ADGRL3: variants seen among roughly 807,000 people sequenced by gnomAD.
ADGRL3 encodes calcium-independent alpha-latrotoxin receptor 3.
Under a neutral mutation model 153.5 loss-of-function variants are expected in ADGRL3, and 62 were observed. That is an observed-to-expected ratio of 0.40 (90% CI 0.33 to 0.50). The LOEUF (loss-of-function observed/expected upper bound fraction) is 0.50. Among genes scored for constraint, ADGRL3 ranks in the 20% least tolerant of loss-of-function variants. The pLI, the probability that ADGRL3 is intolerant of heterozygous loss-of-function variation, is 0.47. For synonymous variants in ADGRL3, 710 were observed against 672.5 expected (o/e 1.06, Z -0.86); for missense variants, 1,641 against 1,859.4 (o/e 0.88, Z 2.16).
chr4:61,954,506 A>G (rs1457549000), intron 17 of ADGRL3, among the ~76,000 whole-genome samples: 1 of 152,130 alleles, frequency 6.6e-6, no homozygotes, highest in Admixed American at 6.6e-5. Flanking sequence ...TTTAAAATGC[A>G]AATCAGGCAC....
intron 9 of ADGRL3, among the ~76,000 whole-genome samples, chr4:61,836,437 AT>A (rs898022158): frequency 6.6e-6 from 1 of 151,932 alleles, no homozygotes; most frequent in Admixed American, 6.6e-5. Context: ...TCCACTGGAT[AT>A]TTTTTTTCTG....
chr4:61,201,247 G>C lies in ADGRL3; in HGVS notation c.-758G>C, dbSNP rs186474574. The C allele has an allele frequency of 3.6e-3, 548 of 153,702 alleles. 1 individual carries two copies. Among genetic ancestry groups the C allele is most frequent in the Middle Eastern group, 6.1e-3 (2 of 326 alleles). 9.5% of individuals were successfully genotyped at this position (153,702 alleles called of 1,614,324 possible). A position where few individuals can be genotyped will look rare whatever the true frequency, so the allele number is the denominator to read the frequency against. On this transcript the variant is annotated 5_prime_UTR_variant, in exon 1 of 27. Transcript: ENST00000683033. ...ATGGTGGAAGATTTTTGGTCTCTTC[G>C]GCAGCGTCTTTTCTTAAGCGGCGGC... is the stretch of plus-strand genomic sequence containing the variant.
intron 1 of ADGRL3, among the ~76,000 whole-genome samples, chr4:61,249,282 A>C (rs141176303): frequency 8.5e-5 from 13 of 152,198 alleles, no homozygotes; most frequent in Non-Finnish European, 1.6e-4. Context: ...AACTGTGTCC[A>C]ACAGTGTTTA....
chr4:61,536,473 C>T (rs142808704), intron 4 of ADGRL3, among the ~76,000 whole-genome samples: 95 of 152,068 alleles, frequency 6.2e-4, no homozygotes, highest in African/African-American at 2.0e-3. Context: ...GCTCTCAGTG[C>T]GGTGTTGAAG....
chr4:61,680,405 CGT>C (rs3075156), intron 6 of ADGRL3, among the ~76,000 whole-genome samples: 29,692 of 143,420 alleles, frequency 0.21, 3,539 homozygotes, highest in African/African-American at 0.31. Context: ...TATACATACT[CGT>C]GTGTGTGTGT....
intron 1 of ADGRL3, among the ~76,000 whole-genome samples, chr4:61,316,397 A>C (rs1476645659): frequency 6.6e-6 from 1 of 152,210 alleles, no homozygotes; most frequent in Non-Finnish European, 1.5e-5. Flanking sequence ...CTAAGACGTC[A>C]GAGCAAGAAA....
At chr4:61,310,953 C>A (rs1002583548) in intron 1 of ADGRL3, among the ~76,000 whole-genome samples, 6 of 151,492 alleles carry the variant, frequency 4.0e-5, no homozygotes, top group African/African-American at 1.5e-4. Flanking sequence ...TAGTTAATAT[C>A]TTAGGTGCCT....
chr4:61,736,519 G>T (rs982603545), intron 8 of ADGRL3, among the ~76,000 whole-genome samples: 1 of 152,112 alleles, frequency 6.6e-6, no homozygotes, highest in African/African-American at 2.4e-5. Flanking sequence ...TTAGTCTGGT[G>T]TGGTGGTGGG....
At chr4:61,582,061 A>G (rs911619090) in intron 4 of ADGRL3, among the ~76,000 whole-genome samples, 1 of 152,130 alleles carries the variant, frequency 6.6e-6, no homozygotes, top group Non-Finnish European at 1.5e-5. Flanking sequence ...GAAAATAAAT[A>G]TAAATATAAG....
intron 6 of ADGRL3, among the ~76,000 whole-genome samples, chr4:61,712,801 C>A (rs539384269): frequency 1.8e-4 from 28 of 152,306 alleles, no homozygotes; most frequent in African/African-American, 6.5e-4. Flanking sequence ...CTTATATATT[C>A]ATCACTGTGG....
In ADGRL3 at chr4:62,072,310, C is replaced by A. The variant is rs559843504; in HGVS notation, c.*1402C>A. The A allele has an allele frequency of 6.6e-6, 1 of 152,506 alleles. No homozygotes were observed. Among genetic ancestry groups the A allele is most frequent in the African/African-American group, 2.4e-5 (1 of 41,500 alleles). The allele number at this position is 152,506 out of a possible 1,614,324, so 9.4% of individuals were successfully genotyped here. A position where few individuals can be genotyped will look rare whatever the true frequency, so the allele number is the denominator to read the frequency against. On this transcript the variant is annotated 3_prime_UTR_variant, in exon 27 of 27. Transcript: ENST00000683033. ...TGTAGGAATACAAAAGGTAAATTAG[C>A]AGCACATATAATTTTTTTTTAATTT...
At chr4:61,726,939 AAGTTCAT>A (rs1364920898) in intron 6 of ADGRL3, among the ~76,000 whole-genome samples, 1 of 152,174 alleles carries the variant, frequency 6.6e-6, no homozygotes. Context: ...AATTGAATAC[AAGTTCAT>A]AGTTCTTAGT....
intron 8 of ADGRL3, among the ~76,000 whole-genome samples, chr4:61,767,486 C>T (rs1295499423): frequency 2.6e-5 from 4 of 152,054 alleles, no homozygotes; most frequent in Admixed American, 6.5e-5. Context: ...GCTTACCTTC[C>T]ACTGTGAGAG....
chr4:61,764,387 G>T (rs2152237709), intron 8 of ADGRL3, among the ~76,000 whole-genome samples: 1 of 150,556 alleles, frequency 6.6e-6, no homozygotes, highest in Non-Finnish European at 1.5e-5. Context: ...TACAGTCCAA[G>T]GGGGTTTGTT....
At chr4:61,767,161 AAGAGGAGG>A (rs953587461) in intron 8 of ADGRL3, among the ~76,000 whole-genome samples, 1 of 151,956 alleles carries the variant, frequency 6.6e-6, no homozygotes, top group African/African-American at 2.4e-5. Context: ...TGGGGGATAC[AAGAGGAGG>A]ACCCAAAGGA....
At chr4:61,421,623 C>T (rs1374249947) in intron 2 of ADGRL3, among the ~76,000 whole-genome samples, 2 of 152,122 alleles carry the variant, frequency 1.3e-5, no homozygotes. Flanking sequence ...AGAACTTCCT[C>T]ATGATTTCAA....
chr4:61,543,214 T>C (rs1417162440), intron 4 of ADGRL3, among the ~76,000 whole-genome samples: 2 of 142,780 alleles, frequency 1.4e-5, no homozygotes, highest in African/African-American at 5.1e-5. Context: ...TAATTTTACA[T>C]GGCATAAAGG....
intron 9 of ADGRL3, among the ~76,000 whole-genome samples, chr4:61,852,044 T>C (rs1402990765): frequency 6.6e-6 from 1 of 152,150 alleles, no homozygotes; most frequent in Non-Finnish European, 1.5e-5. Context: ...AATTTAGATC[T>C]CAAAGTTTAC....
At chr4:61,769,531 C>A (rs1005337888) in intron 8 of ADGRL3, among the ~76,000 whole-genome samples, 1 of 151,994 alleles carries the variant, frequency 6.6e-6, no homozygotes, top group African/African-American at 2.4e-5. Context: ...ATCCGAGTCA[C>A]GGCACCAAAT....
Sources: gnomAD v4.1 joint callset for allele counts (sites outside exome capture counted in the v4.1 genomes callset) on GRCh38, gnomAD v4.1.1 for gene constraint, MANE v1.5 for transcripts, NCBI Gene and HGNC (gene_info 2026-07-23, HGNC 2026-07-21) for gene names.